Variants in CCDC40 observed in about 807,000 individuals in gnomAD.
CCDC40 encodes the protein coiled-coil domain-containing protein 40.
Under a neutral mutation model 124.5 loss-of-function variants are expected in CCDC40, and 104 were observed. The observed-to-expected ratio is 0.84, with a 90% CI of 0.71 to 0.98. The LOEUF (loss-of-function observed/expected upper bound fraction) is 0.98. Ranked by LOEUF, CCDC40 falls within the 50% of genes least tolerant of loss-of-function variation. The pLI is 0.00. For synonymous variants in CCDC40, 580 were observed against 602.9 expected, an observed-to-expected ratio of 0.96 and a Z score of 0.56; for missense variants, 1,463 against 1,503.9, an observed-to-expected ratio of 0.97 and a Z score of 0.45.
chr17:80,040,181 A>T lies in CCDC40; in HGVS notation c.463A>T (p.Arg155Trp), dbSNP rs554716596. 1 of 1,613,834 alleles carries T rather than the reference A, an allele frequency of 6.2e-7. No individual in the cohort carries two copies. Among genetic ancestry groups the T allele is most frequent in the East Asian group, 2.2e-5 (1 of 44,868 alleles). ...ATGPPESRERRVTSPEPSHGV... is the reference protein window; with the variant it reads ...ATGPPESRERWVTSPEPSHGV... ...CGGTCCACCAGAATCCAGAGAAAGG[A>T]GGGTCACCTCCCCAGAGCCATCCCA... The change falls in exon 3 of 20, where the codon AGG becomes TGG. Residue 155 changes from arginine (R) to tryptophan (W), a missense_variant. Arg to Trp is a moderately radical substitution (Grantham distance 101). Coordinates refer to ENST00000397545, the MANE Select transcript of CCDC40 (RefSeq NM_017950.4).
rs776234145 is a variant in CCDC40, at chr17:80,087,728, G to A, written c.2571G>A (p.Leu857=). The change falls in exon 15 of 20, where the codon CTG becomes CTA. Residue 857 remains leucine, a synonymous_variant. Coordinates refer to ENST00000397545, the MANE Select transcript of CCDC40 (RefSeq NM_017950.4). This position sits in a 1 kb window ranked among gnomAD's most constrained non-coding sequence, Gnocchi z 4.5. ...MNKNRCSSEE[L]EQNNRVTENE... is the part of the protein sequence containing the mutation. ...AAAACCGGTGCAGCTCGGAGGAGCT[G>A]GAGCAGAACAACCGGGTGACAGAGA... is the stretch of plus-strand genomic sequence containing the variant. 2 of 1,614,120 alleles carry A rather than the reference G, an allele frequency of 1.2e-6. No homozygotes were observed. Among genetic ancestry groups the A allele is most frequent in the Middle Eastern group, 1.6e-4 (1 of 6,062 alleles).
At chr17:80,082,112 A>T in intron 12 of CCDC40, 54 bp downstream of exon 12, 2 of 1,560,090 alleles carry the variant, frequency 1.3e-6, no homozygotes, top group Non-Finnish European at 1.8e-6. Flanking sequence ...GCCTGGGCAT[A>T]TGAGGGCAAG....
chr17:80,092,772 A>C, intron 17 of CCDC40, among the ~76,000 whole-genome samples: 1 of 151,314 alleles, frequency 6.6e-6, no homozygotes, highest in African/African-American at 2.4e-5. Context: ...CACGGCACCC[A>C]CCCCTCAGTC....
At chr17:80,063,649 G>A (rs1033850570) in intron 9 of CCDC40, among the ~76,000 whole-genome samples, 9 of 152,192 alleles carry the variant, frequency 5.9e-5, no homozygotes, top group Non-Finnish European at 1.0e-4. Context: ...CCCACGACTG[G>A]GCATTTATCC....
intron 7 of CCDC40, among the ~76,000 whole-genome samples, chr17:80,056,218 A>ATC (rs370757330): frequency 1.1e-4 from 17 of 149,036 alleles, no homozygotes; most frequent in East Asian, 7.9e-4. Flanking sequence ...GTGTATGTGT[A>ATC]TCTCTCTCTC....
At position 80,087,656 on chromosome 17, in the gene CCDC40, G is replaced by A. The variant is rs2038615301; in HGVS notation, c.2499G>A (p.Met833Ile). ...KKEQKEIEHH[M>I]KDLDNDLKKL... ...AGCAGAAGGAGATCGAGCACCACAT[G>A]AAGGACCTGGACAACGACCTGAAGA... The change falls in exon 15 of 20, where the codon ATG becomes ATA. Residue 833 changes from methionine (M) to isoleucine (I), a missense_variant. Met to Ile is a conservative substitution (Grantham distance 10, BLOSUM62 1). Transcript: ENST00000397545. The surrounding 1 kb of genome is among the most constrained non-coding windows in gnomAD (Gnocchi z 4.5). 1.2e-6 allele frequency: 2 copies of A among 1,613,976 alleles called. No homozygotes were observed. Among genetic ancestry groups the A allele is most frequent in the South Asian group, 2.2e-5 (2 of 91,080 alleles).
At chr17:80,091,310 C>T (rs1324631021) in intron 17 of CCDC40, among the ~76,000 whole-genome samples, 2 of 32,028 alleles carry the variant, frequency 6.2e-5, no homozygotes, top group African/African-American at 2.8e-4. Context: ...ACTACACACA[C>T]ACACACACAC....
Position 80,086,135 on chromosome 17 carries a change from G to T in CCDC40, c.2368G>T (p.Glu790Ter). The change falls in exon 14 of 20, where the codon GAG (glutamate) becomes TAG (stop). Residue 790 changes from glutamate to a stop codon, truncating the protein, a stop_gained. Transcript: ENST00000397545. LOFTEE classifies it high-confidence loss of function. The surrounding 1 kb of genome is among the most constrained non-coding windows in gnomAD (Gnocchi z 5.5). ...GCAGGAGATGGTCAAGGTGACACAG[G>T]AGCAGGAGGAGCAGCTGGCCTCCCT... The part of the protein sequence containing the change: ...LQQEMVKVTQ[E>*]QEEQLASLDA... The T allele has an allele frequency of 6.2e-7, 1 of 1,614,126 alleles. No homozygotes were observed.
At chr17:80,085,420 C>T (rs1163663175) in intron 13 of CCDC40, among the ~76,000 whole-genome samples, 3 of 152,198 alleles carry the variant, frequency 2.0e-5, no homozygotes, top group Non-Finnish European at 4.4e-5. Context: ...CATCCAGGTC[C>T]CTGTACTCTC....
At chr17:80,088,410 CCTCA>C in intron 16 of CCDC40, 1 of 412,210 alleles carries the variant, frequency 2.4e-6, no homozygotes, top group Non-Finnish European at 4.6e-6. Flanking sequence ...CGCCACCATG[CCTCA>C]CTAATTTTTG....
Position 80,056,005 on chromosome 17 carries a change from TATATATA to T in CCDC40, c.1160-2488_1160-2482del, listed in dbSNP as rs1568682700. On this transcript the variant is annotated intron_variant, in intron 7 of 19. Coordinates refer to ENST00000397545, the MANE Select transcript of CCDC40 (RefSeq NM_017950.4). ...TCATATATATATATATATATATATA[TATATATA>T]TATATTTTTTTTTTTTTTTGGTAGA... Among the ~76,000 whole-genome samples the T allele has an allele frequency of 1.1e-4, 3 of 28,522 alleles. 1 individual carries two copies. Among genetic ancestry groups the T allele is most frequent in the African/African-American group, 3.3e-4 (3 of 9,190 alleles). The allele number at this position is 28,522 out of a possible 152,430, so 18.7% of individuals were successfully genotyped here. A position where few individuals can be genotyped will look rare whatever the true frequency, so the allele number is the denominator to read the frequency against.
chr17:80,050,678 A>G (rs950337326), intron 7 of CCDC40, among the ~76,000 whole-genome samples: 2 of 152,222 alleles, frequency 1.3e-5, no homozygotes, highest in African/African-American at 4.8e-5. Context: ...TCCTGACCTC[A>G]GGTGATTCGC....
At chr17:80,051,316 G>A (rs1474980981) in intron 7 of CCDC40, 23 of 983,104 alleles carry the variant, frequency 2.3e-5, no homozygotes, top group Non-Finnish European at 2.4e-5. Flanking sequence ...TTCAGAGTTA[G>A]GGTAAGTGGG....
At chr17:80,049,003 C>T (rs543138149) in intron 5 of CCDC40, among the ~76,000 whole-genome samples, 62 of 152,268 alleles carry the variant, frequency 4.1e-4, no homozygotes, top group South Asian at 8.3e-4. Flanking sequence ...GGGGCCGGGT[C>T]ATTCTGTGCT....
At position 80,090,119 on chromosome 17, in the gene CCDC40, C is replaced by T. The variant is rs1340070332; in HGVS notation, c.2832+235C>T. 7 of 1,536,170 alleles carry T rather than the reference C, an allele frequency of 4.6e-6. No individual in the cohort carries two copies. The South Asian group carries it at 7.1e-5, about 16-fold the overall frequency. On this transcript the variant is annotated intron_variant, in intron 17 of 19. Coordinates refer to ENST00000397545, the MANE Select transcript of CCDC40 (RefSeq NM_017950.4). ...CCCCCTTGACCCAGCTTTTACCACA[C>T]GCTTGCTTTTAATGTGCAGAAATAT...
chr17:80,051,628 CAAAAAAAAAA>C (rs200887220), intron 7 of CCDC40, among the ~76,000 whole-genome samples: 20 of 94,136 alleles, frequency 2.1e-4, no homozygotes, highest in East Asian at 3.3e-4. Flanking sequence ...GACTCCGTCT[CAAAAAAAAAA>C]AAAAAAAAAA....
At chr17:80,073,320 C>T (rs1359820336) in intron 10 of CCDC40, among the ~76,000 whole-genome samples, 4 of 152,134 alleles carry the variant, frequency 2.6e-5, no homozygotes, top group African/African-American at 9.7e-5. Context: ...ACGGCAGCTC[C>T]GTGTGGAGCA....
Position 80,100,162 on chromosome 17 carries a change from G to C in CCDC40, c.*387G>C. 1 of 299,984 alleles carries C rather than the reference G, an allele frequency of 3.3e-6. No individual in the cohort carries two copies. Among genetic ancestry groups the C allele is most frequent in the Non-Finnish European group, 6.5e-6 (1 of 154,120 alleles). The allele number at this position is 299,984 out of a possible 1,614,324, so 18.6% of individuals were successfully genotyped here. On this transcript the variant is annotated 3_prime_UTR_variant, in exon 20 of 20. Coordinates refer to ENST00000397545, the MANE Select transcript of CCDC40 (RefSeq NM_017950.4). ...TGGTGGGCTGAGCAGAGGTGGGAAA[G>C]TTAAGGCAGCTCCAGCCAGCCTGGC...
chr17:80,044,212 C>G lies in CCDC40; in HGVS notation c.553-3067C>G, dbSNP rs146525288. ...AACGGTAGCTCTTGCTTCAAAGCCA[C>G]CGTTCTGAACCACAAGGCACCCATC... On this transcript the variant is annotated intron_variant, in intron 3 of 19. Transcript: ENST00000397545. Among the ~76,000 whole-genome samples, 277 of 152,260 alleles carry G rather than the reference C, an allele frequency of 1.8e-3. 1 individual carries two copies. The highest frequency in any genetic ancestry group is 6.4e-3 in the African/African-American group (267 of 41,538).
Sources: gnomAD v4.1 joint callset for allele counts (sites outside exome capture counted in the v4.1 genomes callset) on GRCh38, gnomAD v4.1.1 for gene constraint, Gnocchi (gnomAD v3.1) non-coding constraint, MANE v1.5 for transcripts, NCBI Gene and HGNC (gene_info 2026-07-23, HGNC 2026-07-21) for gene names.